The following STXBP5L variants were observed in gnomAD, a reference collection of about 807,000 sequenced individuals.
STXBP5L encodes the protein syntaxin-binding protein 5-like.
STXBP5L carries 65 observed loss-of-function variants against 144.5 expected under a neutral mutation model. That is an observed-to-expected ratio of 0.45 (90% CI 0.37 to 0.55). The LOEUF (loss-of-function observed/expected upper bound fraction) is 0.55. Among genes scored for constraint, STXBP5L ranks in the 20% least tolerant of loss-of-function variants. STXBP5L has a pLI of 0.00. For missense variants in STXBP5L, 1,298 were observed against 1,405.5 expected (o/e 0.92, Z 1.22); for synonymous variants, 505 against 469.6 (o/e 1.08, Z -0.97).
chr3:121,151,798 G>C (rs569407499), intron 7 of STXBP5L, among the ~76,000 whole-genome samples: 1 of 151,082 alleles, frequency 6.6e-6, no homozygotes, highest in Non-Finnish European at 1.5e-5. Context: ...AATAATAATT[G>C]TGAATCATTT....
intron 3 of STXBP5L, among the ~76,000 whole-genome samples, chr3:120,994,706 T>A (rs1042358934): frequency 6.6e-6 from 1 of 152,154 alleles, no homozygotes; most frequent in African/African-American, 2.4e-5. Context: ...GATTTTTGCA[T>A]CTTTTTTCAT....
chr3:121,057,095 G>A (rs1033168073), intron 5 of STXBP5L, among the ~76,000 whole-genome samples: 1 of 151,568 alleles, frequency 6.6e-6, no homozygotes, highest in Admixed American at 6.6e-5. Flanking sequence ...TGCATAACAT[G>A]CTACATAACA....
intron 5 of STXBP5L, among the ~76,000 whole-genome samples, chr3:121,110,561 C>G (rs759605599): frequency 6.6e-6 from 1 of 152,110 alleles, no homozygotes; most frequent in Admixed American, 6.5e-5. Flanking sequence ...GGCCCCTGAT[C>G]TTTTTTGGCT....
At chr3:120,973,751 T>A (rs1012320856) in intron 3 of STXBP5L, among the ~76,000 whole-genome samples, 6 of 150,864 alleles carry the variant, frequency 4.0e-5, no homozygotes, top group African/African-American at 1.5e-4. Context: ...TGTCCATGTG[T>A]TCTCATTGTT....
At chr3:120,987,287 A>G (rs1040479005) in intron 3 of STXBP5L, among the ~76,000 whole-genome samples, 1 of 152,016 alleles carries the variant, frequency 6.6e-6, no homozygotes, top group African/African-American at 2.4e-5. Flanking sequence ...AGAATATTGT[A>G]TTATCAGTAT....
chr3:121,036,276 T>C (rs1340816494), intron 3 of STXBP5L, among the ~76,000 whole-genome samples: 2 of 152,118 alleles, frequency 1.3e-5, no homozygotes, highest in Non-Finnish European at 2.9e-5. Flanking sequence ...GAGGTTGCAG[T>C]GAGCTGATAT....
At chr3:121,110,487 G>A (rs1356985140) in intron 5 of STXBP5L, among the ~76,000 whole-genome samples, 1 of 152,100 alleles carries the variant, frequency 6.6e-6, no homozygotes, top group Non-Finnish European at 1.5e-5. Context: ...CACTTATGAA[G>A]CTTCATTTGG....
At chr3:120,994,772 A>T (rs1372184155) in intron 3 of STXBP5L, among the ~76,000 whole-genome samples, 2 of 151,986 alleles carry the variant, frequency 1.3e-5, no homozygotes, top group African/African-American at 2.4e-5. Flanking sequence ...GGTTTTTTTA[A>T]TCAGGGTATT....
intron 19 of STXBP5L, among the ~76,000 whole-genome samples, chr3:121,314,766 A>G (rs2043720332): frequency 6.6e-6 from 1 of 152,216 alleles, no homozygotes; most frequent in African/African-American, 2.4e-5. Context: ...AGAATCTACA[A>G]TGAACTCAAA....
intron 22 of STXBP5L, among the ~76,000 whole-genome samples, chr3:121,395,868 G>A (rs2046716696): frequency 6.6e-6 from 1 of 151,232 alleles, no homozygotes; most frequent in African/African-American, 2.5e-5. Context: ...TGTGACAGTT[G>A]GGGTCCTCCT....
chr3:121,288,310 G>A (rs114379583), intron 19 of STXBP5L, among the ~76,000 whole-genome samples: 1 of 152,188 alleles, frequency 6.6e-6, no homozygotes, highest in Non-Finnish European at 1.5e-5. Context: ...ACGCATGCAT[G>A]TGTTTTTATG....
intron 14 of STXBP5L, among the ~76,000 whole-genome samples, chr3:121,244,599 T>C (rs964680070): frequency 6.6e-6 from 1 of 151,920 alleles, no homozygotes. Context: ...TCCAATAATA[T>C]GAACCCAAAG....
At chr3:121,162,666 A>G (rs1423056159) in intron 9 of STXBP5L, among the ~76,000 whole-genome samples, 1 of 152,222 alleles carries the variant, frequency 6.6e-6, no homozygotes, top group Admixed American at 6.5e-5. Flanking sequence ...TTTGCAATCT[A>G]TCCATCTGAC....
chr3:120,924,071 C>G (rs553364563), intron 2 of STXBP5L, among the ~76,000 whole-genome samples: 36 of 152,120 alleles, frequency 2.4e-4, no homozygotes, highest in Non-Finnish European at 4.1e-4. Context: ...TCTTTTCTAT[C>G]TTTCTCAAAT....
At chr3:121,033,152 G>A (rs1204274000) in intron 3 of STXBP5L, among the ~76,000 whole-genome samples, 2 of 132,258 alleles carry the variant, frequency 1.5e-5, no homozygotes, top group African/African-American at 5.9e-5. Context: ...ATTCACAATA[G>A]CAAAGACTTG....
intron 2 of STXBP5L, among the ~76,000 whole-genome samples, chr3:120,938,945 C>A (rs928306359): frequency 2.0e-5 from 3 of 151,868 alleles, no homozygotes; most frequent in African/African-American, 7.3e-5. Flanking sequence ...CCATTCCTGG[C>A]TAATTTATTT....
At chr3:121,047,390 A>C (rs1947591582) in intron 5 of STXBP5L, among the ~76,000 whole-genome samples, 1 of 152,146 alleles carries the variant, frequency 6.6e-6, no homozygotes, top group Admixed American at 6.6e-5. Context: ...TGTTAAGTTT[A>C]GATCCTGAAA....
intron 26 of STXBP5L, among the ~76,000 whole-genome samples, 191 bp downstream of exon 26, chr3:121,418,748 T>C (rs2047298046): frequency 6.8e-6 from 1 of 148,020 alleles, no homozygotes; most frequent in African/African-American, 2.5e-5. Context: ...AAAAATACTT[T>C]AATGTATCGA....
At chr3:121,148,169 G>A (rs907419666) in intron 7 of STXBP5L, among the ~76,000 whole-genome samples, 8 of 151,858 alleles carry the variant, frequency 5.3e-5, no homozygotes, top group Admixed American at 1.3e-4. Context: ...AGATGAGAGC[G>A]GAAATTAAAA....
Sources: allele counts gnomAD v4.1 joint callset (sites outside exome capture counted in the v4.1 genomes callset), GRCh38; gene constraint gnomAD v4.1.1; transcripts MANE v1.5; gene names NCBI Gene and HGNC (gene_info 2026-07-23, HGNC 2026-07-21).